The following COA1 variants were observed in gnomAD, a reference collection of about 807,000 sequenced individuals.
The protein encoded by COA1 is cytochrome c oxidase assembly factor 1 homolog.
COA1 carries 13 observed loss-of-function variants against 16.0 expected under a neutral mutation model. The ratio of observed to expected loss-of-function variants is 0.81; its 90% CI spans 0.53 to 1.29. The LOEUF (loss-of-function observed/expected upper bound fraction) is 1.29. Among genes scored for constraint, COA1 ranks in the 50% most tolerant of loss-of-function variants. The pLI is 0.00. For synonymous variants in COA1, 65 were observed against 65.7 expected, an observed-to-expected ratio of 0.99 and a Z score of 0.05; for missense variants, 179 against 177.0, an observed-to-expected ratio of 1.01 and a Z score of -0.06.
intron 6 of COA1, chr7:43,633,066 T>C (rs925730166): frequency 3.9e-5 from 6 of 152,248 alleles, no homozygotes; most frequent in African/African-American, 1.4e-4. Context: ...AGCTTGTCCT[T>C]TGAAGCCAGG....
intron 1 of COA1, among the ~76,000 whole-genome samples, chr7:43,721,226 A>G (rs1457504169): frequency 1.3e-5 from 2 of 152,274 alleles, no homozygotes; most frequent in African/African-American, 4.8e-5. Flanking sequence ...TACTAGTAAC[A>G]TTACAAGAAT....
At chr7:43,650,936 G>A (rs912488462) in intron 1 of COA1, among the ~76,000 whole-genome samples, 33 of 152,240 alleles carry the variant, frequency 2.2e-4, no homozygotes, top group African/African-American at 7.7e-4. Flanking sequence ...CAAAGCAGGG[G>A]TTGGGGTGTG....
intron 6 of COA1, among the ~76,000 whole-genome samples, chr7:43,613,707 G>A (rs1276357396): frequency 6.6e-6 from 1 of 152,084 alleles, no homozygotes; most frequent in Non-Finnish European, 1.5e-5. Flanking sequence ...AGCCAGCCAT[G>A]GTGGCACGCG....
Position 43,639,552 on chromosome 7 carries a change from T to A in COA1, c.*30A>T, listed in dbSNP as rs753785726. ...TGGTAGAGATGAGGGAAGGATGGAC[T>A]AGAAGCAAGCTGGGTCTTCTGGGTC... On this transcript the variant is annotated 3_prime_UTR_variant, in exon 6 of 6. Coordinates refer to ENST00000223336, the MANE Select transcript of COA1 (RefSeq NM_018224.4). The A allele has an allele frequency of 3.2e-6, 5 of 1,577,866 alleles. No homozygotes were observed. The South Asian group carries it at 5.5e-5, about 17-fold the overall frequency.
At chr7:43,646,666 T>G in intron 3 of COA1, 1 of 455,672 alleles carries the variant, frequency 2.2e-6, no homozygotes, top group South Asian at 1.6e-5. Flanking sequence ...CCCTGTCCCT[T>G]TGGCAGAGGG....
chr7:43,608,494 G>C, exon 7 of COA1: 1 of 1,439,618 alleles, frequency 6.9e-7, no homozygotes, highest in Non-Finnish European at 9.4e-7. Context: ...TTTCACGTTT[G>C]TGTATTATTA....
chr7:43,647,584 G>A lies in COA1; in HGVS notation c.66C>T (p.His22=), dbSNP rs150071787. Residue 22 remains histidine (H), a synonymous_variant, in exon 3 of 6, where the codon CAC becomes CAT. Coordinates refer to ENST00000223336, the MANE Select transcript of COA1 (RefSeq NM_018224.4). ...SMPLGARILF[H]GVFYAGGFAI... Reference sequence around the variant, plus strand: ...CAAAGCCCCCGGCATAGAACACACCGTGGAAAAGGATCCTTGCTCCCAGAG... The same window carrying A: ...CAAAGCCCCCGGCATAGAACACACCATGGAAAAGGATCCTTGCTCCCAGAG... 55 of 1,613,898 alleles carry A rather than the reference G, an allele frequency of 3.4e-5. No individual in the cohort carries two copies. Among genetic ancestry groups the A allele is most frequent in the African/African-American group, 1.1e-4 (8 of 74,928 alleles).
At chr7:43,644,809 G>T (rs897088418) in intron 4 of COA1, among the ~76,000 whole-genome samples, 3 of 149,788 alleles carry the variant, frequency 2.0e-5, no homozygotes, top group South Asian at 2.1e-4. Flanking sequence ...CAGAGAGAGA[G>T]AGAGAGAGAG....
chr7:43,727,653 G>GTCAAATATA (rs1384997592), intron 1 of COA1, among the ~76,000 whole-genome samples: 2 of 152,228 alleles, frequency 1.3e-5, no homozygotes, highest in Non-Finnish European at 2.9e-5. Context: ...ATCCAGAATA[G>GTCAAATATA]TCAAATATAC....
intron 1 of COA1, among the ~76,000 whole-genome samples, chr7:43,654,955 G>A (rs575566242): frequency 1.3e-5 from 2 of 152,056 alleles, no homozygotes; most frequent in African/African-American, 4.8e-5. Context: ...TTATAAATTT[G>A]GAACAAACTC....
intron 1 of COA1, among the ~76,000 whole-genome samples, chr7:43,686,851 T>C (rs2094059341): frequency 6.6e-6 from 1 of 152,206 alleles, no homozygotes. Context: ...AATACAAGTA[T>C]TTAAAAAATT....
intron 1 of COA1, among the ~76,000 whole-genome samples, chr7:43,726,019 T>C (rs1244749539): frequency 6.6e-6 from 1 of 152,062 alleles, no homozygotes; most frequent in Non-Finnish European, 1.5e-5. Context: ...ACTCAACCTC[T>C]GCATACATTA....
chr7:43,621,304 G>A lies in COA1; in HGVS notation c.*134-11809C>T, dbSNP rs370393180. On this transcript the variant is annotated intron_variant and NMD_transcript_variant, in intron 6 of 6. Transcript: ENST00000415076. ...TCATGACCACTAAGTTAGTTTTGGGGATGTGACTTAATAGTGTTTCTTTAG... is the reference window on the plus strand; with the variant it reads ...TCATGACCACTAAGTTAGTTTTGGGAATGTGACTTAATAGTGTTTCTTTAG... Among the ~76,000 whole-genome samples, 10 of 152,310 alleles carry A rather than the reference G, an allele frequency of 6.6e-5. No individual in the cohort carries two copies. In the East Asian group the frequency reaches 1.7e-3, roughly 26 times the overall value.
At chr7:43,620,090 G>A (rs1162717488) in intron 6 of COA1, among the ~76,000 whole-genome samples, 5 of 152,192 alleles carry the variant, frequency 3.3e-5, no homozygotes, top group Non-Finnish European at 7.3e-5. Flanking sequence ...CAAAGGAATT[G>A]CCAAGTCTGA....
downstream of COA1, among the ~76,000 whole-genome samples, chr7:43,638,308 A>T (rs2086253648): frequency 6.6e-6 from 1 of 151,748 alleles, no homozygotes. Flanking sequence ...CCTTCATTGT[A>T]GACAACCACA....
At chr7:43,694,048 C>A (rs2094454484) in intron 1 of COA1, among the ~76,000 whole-genome samples, 1 of 150,968 alleles carries the variant, frequency 6.6e-6, no homozygotes, top group Non-Finnish European at 1.5e-5. Flanking sequence ...CAAGGATCTA[C>A]CAGTTCACCT....
intron 1 of COA1, chr7:43,711,473 G>C (rs2095245293): frequency 6.6e-6 from 1 of 152,124 alleles, no homozygotes; most frequent in Non-Finnish European, 1.5e-5. Context: ...GAAAAAGAGA[G>C]AGAGAGAAAG....
intron 1 of COA1, among the ~76,000 whole-genome samples, chr7:43,691,004 G>C (rs894174186): frequency 2.8e-5 from 4 of 145,174 alleles, no homozygotes; most frequent in East Asian, 2.0e-4. Context: ...ACTCACTTGA[G>C]GCCAGGAGTT....
At chr7:43,692,285 G>A (rs147743715) in intron 1 of COA1, among the ~76,000 whole-genome samples, 128 of 152,264 alleles carry the variant, frequency 8.4e-4, no homozygotes, top group African/African-American at 2.3e-3. Flanking sequence ...CTAAGAGGCC[G>A]AGGCAGGCAG....
Sources: gnomAD v4.1 joint callset for allele counts (sites outside exome capture counted in the v4.1 genomes callset) on GRCh38, gnomAD v4.1.1 for gene constraint, MANE v1.5 for transcripts, NCBI Gene and HGNC (gene_info 2026-07-23, HGNC 2026-07-21) for gene names.